The following NOMO1 variants were observed in gnomAD, a reference collection of about 807,000 sequenced individuals.
The protein encoded by NOMO1 is NODAL modulator 1.
A neutral mutation model predicts 133.8 loss-of-function variants in NOMO1; 40 were observed. That is an observed-to-expected ratio of 0.30 (90% confidence interval 0.23 to 0.39). The LOEUF is 0.39. NOMO1 is among the 10% of genes least tolerant of loss of function. NOMO1 has a pLI of 1.00. For missense variants in NOMO1, 462 were observed against 1,419.9 expected (o/e 0.33, Z 10.84); for synonymous variants, 236 against 570.5 (o/e 0.41, Z 8.36).
chr16:14,889,087 T>A lies in NOMO1; in HGVS notation c.3325-9T>A. 1 of 1,611,828 alleles carries A rather than the reference T, an allele frequency of 6.2e-7. No individual in the cohort carries two copies. Among genetic ancestry groups the A allele is most frequent in the Non-Finnish European group, 8.5e-7 (1 of 1,179,844 alleles). ...CTTGTAAAAATAACTTCTTCCCATG[T>A]GTGCACAGAACTATGTTGTGCTTCT... On this transcript the variant is annotated splice_polypyrimidine_tract_variant and intron_variant, in intron 28 of 30. Transcript: ENST00000287667.
intron 2 of NOMO1, among the ~76,000 whole-genome samples, chr16:14,839,548 C>G (rs952572817): frequency 4.0e-5 from 6 of 151,344 alleles, no homozygotes; most frequent in Non-Finnish European, 8.8e-5. Flanking sequence ...AATACAGATT[C>G]ATAGGAAGTT....
chr16:14,857,438 T>C, intron 10 of NOMO1, 67 bp from the exon 11 acceptor site: 4 of 1,589,352 alleles, frequency 2.5e-6, no homozygotes, highest in Non-Finnish European at 3.4e-6. Flanking sequence ...CCAAGTATTC[T>C]GGTGTACATG....
At position 14,846,577 on chromosome 16, in the gene NOMO1, G is replaced by C; in HGVS notation, c.403G>C (p.Val135Leu). The C allele has an allele frequency of 1.0e-6, 1 of 975,002 alleles. No individual in the cohort carries two copies. Among genetic ancestry groups the C allele is most frequent in the Non-Finnish European group, 1.5e-6 (1 of 659,508 alleles). The allele number at this position is 975,002 out of a possible 1,614,324, so 60.4% of individuals were successfully genotyped here. A position where few individuals can be genotyped will look rare whatever the true frequency, so the allele number is the denominator to read the frequency against. The change falls in exon 5 of 31, where the codon GTC becomes CTC. Residue 135 changes from valine to leucine, a missense_variant and splice_region_variant. By Grantham distance (32) the Val-to-Leu change is conservative. Transcript: ENST00000287667. ...GCCCTAACTTTCTTCTCCATGGCAG[G>C]TCCTCAGCAAAGGGCAGCCCCTGGG... ...VFTGFSVNGK[V>L]LSKGQPLGPA...
At chr16:14,836,201 C>T (rs1193109382) in intron 1 of NOMO1, among the ~76,000 whole-genome samples, 2 of 152,020 alleles carry the variant, frequency 1.3e-5, no homozygotes, top group Non-Finnish European at 2.9e-5. Flanking sequence ...TGGTGAATTT[C>T]CAGTCCCTGC....
rs371980569 is a variant in NOMO1 at position 14,838,549 on chromosome 16, C to G, written c.255+53C>G. 3.4e-4 allele frequency: 548 copies of G among 1,611,770 alleles called. 1 individual carries two copies. The highest frequency in any genetic ancestry group is 4.1e-4 in the Non-Finnish European group (487 of 1,179,820). On this transcript the variant is annotated intron_variant, in intron 2 of 30. Transcript: ENST00000287667. ...ATGGGAAATCACTAGTGTGCCTCAC[C>G]AGGCTGCATTAACCATGCCCTTTCC...
chr16:14,866,832 A>G (rs1964003359), intron 15 of NOMO1, 141 bp downstream of exon 15: 1 of 1,570,346 alleles, frequency 6.4e-7, no homozygotes, highest in African/African-American at 1.4e-5. Context: ...CCTGTTACGC[A>G]ACGCATAATC....
rs977389516 is a variant in NOMO1 at position 14,843,013 on chromosome 16, G to A, written c.301+1606G>A. ...TCAGTTCACTGCAACTTCTGCCCGG[G>A]TTCAAGCAATTCTTGTGCCTCAGCC... On this transcript the variant is annotated intron_variant, in intron 3 of 30. Transcript: ENST00000287667. Among the ~76,000 whole-genome samples, 336 of 141,480 alleles carry A rather than the reference G, an allele frequency of 2.4e-3. 3 individuals are homozygous for A. Among genetic ancestry groups the A allele is most frequent in the African/African-American group, 8.5e-3 (326 of 38,282 alleles). The allele number at this position is 141,480 out of a possible 152,430, so 92.8% of individuals were successfully genotyped here.
chr16:14,867,176 ATTTTTTTTTTT>A (rs1174703237), intron 15 of NOMO1, among the ~76,000 whole-genome samples: 1 of 7,476 alleles, frequency 1.3e-4, no homozygotes, highest in Non-Finnish European at 3.7e-4. Context: ...ATATATATAT[ATTTTTTTTTTT>A]TTTTTTTTTT....
chr16:14,868,648 G>A lies in NOMO1; in HGVS notation c.1894+13G>A. ...CTGTCCAAGCCTGGTAAGTTTGGAA[G>A]GATTGATGTGCCATGAATTAGAAAA... On this transcript the variant is annotated intron_variant, in intron 16 of 30. Transcript: ENST00000287667. 3 of 1,521,496 alleles carry A rather than the reference G, an allele frequency of 2.0e-6. No homozygotes were observed. Among genetic ancestry groups the A allele is most frequent in the Non-Finnish European group, 2.7e-6 (3 of 1,101,200 alleles). The allele number at this position is 1,521,496 out of a possible 1,614,324, so 94.2% of individuals were successfully genotyped here.
intron 1 of NOMO1, among the ~76,000 whole-genome samples, chr16:14,836,695 T>TG (rs1491388991): frequency 7.9e-6 from 1 of 127,002 alleles, no homozygotes; most frequent in African/African-American, 3.5e-5. Flanking sequence ...TCCATTTTAC[T>TG]TTTTTTTTTT....
rs757029658 is a variant in NOMO1 at position 14,857,502 on chromosome 16, C to T, written c.1070-3C>T. ...CTTCTGTTTGTGTGTTTTTGTTTTACAGTTAAAACAAAAGCTGATGGCTCA... is the reference window on the plus strand; with the variant it reads ...CTTCTGTTTGTGTGTTTTTGTTTTATAGTTAAAACAAAAGCTGATGGCTCA... On this transcript the variant is annotated splice_region_variant and splice_polypyrimidine_tract_variant and intron_variant, in intron 10 of 30. Coordinates refer to ENST00000287667, the MANE Select transcript of NOMO1 (RefSeq NM_014287.4). 1.9e-6 allele frequency: 3 copies of T among 1,608,594 alleles called. No homozygotes were observed. The highest frequency in any genetic ancestry group is 1.4e-5 in the African/African-American group (1 of 73,420).
At chr16:14,855,710 G>C (rs1963823973) in intron 9 of NOMO1, among the ~76,000 whole-genome samples, 1 of 152,022 alleles carries the variant, frequency 6.6e-6, no homozygotes, top group South Asian at 2.1e-4. Flanking sequence ...CCAGATTACA[G>C]CCAAATACAT....
intron 6 of NOMO1, among the ~76,000 whole-genome samples, chr16:14,850,185 C>T (rs1473324093): frequency 6.7e-6 from 1 of 149,158 alleles, no homozygotes; most frequent in East Asian, 2.0e-4. Context: ...ATTCTCCTGC[C>T]TCAGCCTCCT....
chr16:14,866,913 T>C (rs1351009572), intron 15 of NOMO1, among the ~76,000 whole-genome samples: 1 of 149,552 alleles, frequency 6.7e-6, no homozygotes, highest in South Asian at 2.1e-4. Flanking sequence ...GGCCCTACAC[T>C]AAATCTGACT....
At chr16:14,889,372 A>G (rs942790062) in intron 29 of NOMO1, among the ~76,000 whole-genome samples, 157 bp downstream of exon 29, 1 of 152,000 alleles carries the variant, frequency 6.6e-6, no homozygotes, top group Admixed American at 6.5e-5. Context: ...ACTCTACAAA[A>G]AATACAAAAA....
At chr16:14,873,431 G>A (rs1440447364) in intron 18 of NOMO1, among the ~76,000 whole-genome samples, 7 of 139,448 alleles carry the variant, frequency 5.0e-5, no homozygotes, top group African/African-American at 1.8e-4. Flanking sequence ...CGGACTGGTC[G>A]GAGAGTCGTT....
rs1293879261 is a variant in NOMO1, at chr16:14,838,608, AT to A, written c.255+114del. 14 of 1,015,742 alleles carry A rather than the reference AT, an allele frequency of 1.4e-5. No individual in the cohort carries two copies. The East Asian group carries it at 3.6e-4, about 26-fold the overall frequency. 62.9% of individuals were successfully genotyped at this position (1,015,742 alleles called of 1,614,324 possible). ...CAAATGCTCATCTGTTTTGTAAATT[AT>A]TAGTGGAATATGATAATCCTAGCCA... On this transcript the variant is annotated intron_variant, in intron 2 of 30. Transcript: ENST00000287667.
At position 14,876,429 on chromosome 16, in the gene NOMO1, C is replaced by A. The variant is rs149713801; in HGVS notation, c.2427C>A (p.Pro809=). The change falls in exon 21 of 31, where the codon CCC becomes CCA. Residue 809 remains proline, a synonymous_variant. Coordinates refer to ENST00000287667, the MANE Select transcript of NOMO1 (RefSeq NM_014287.4). ...AGLFLEGQIH[P]ELEGVEIVIS... The stretch of plus-strand genomic sequence containing the variant: ...TGTTTTTAGAAGGCCAGATCCACCC[C>A]GAGTTGGAAGGAGTCGAGATTGTCA... The A allele has an allele frequency of 6.2e-7, 1 of 1,611,242 alleles. No homozygotes were observed. The highest frequency in any genetic ancestry group is 1.7e-5 in the Admixed American group (1 of 59,942).
At position 14,881,439 on chromosome 16, in the gene NOMO1, A is replaced by G. The variant is rs368266884; in HGVS notation, c.2886-105A>G. 8.7e-6 allele frequency: 14 copies of G among 1,610,150 alleles called. No individual in the cohort carries two copies. The East Asian group carries it at 2.9e-4, about 33-fold the overall frequency. The stretch of plus-strand genomic sequence containing the variant: ...TTGCCTGGGTCATTGAGGCACAGTT[A>G]TCCCCTGAACTATTTTGCCCCATAA... On this transcript the variant is annotated intron_variant, in intron 24 of 30. Transcript: ENST00000287667.
Sources: allele counts gnomAD v4.1 joint callset (sites outside exome capture counted in the v4.1 genomes callset), GRCh38; gene constraint gnomAD v4.1.1; transcripts MANE v1.5; gene names NCBI Gene and HGNC (gene_info 2026-07-23, HGNC 2026-07-21).